Variants in ABCC5 observed in about 807,000 individuals in gnomAD.
ABCC5 encodes the protein ATP binding cassette subfamily C member 5.
ABCC5 carries 61 observed loss-of-function variants against 160.9 expected under a neutral mutation model. The observed-to-expected ratio is 0.38, with a 90% confidence interval of 0.31 to 0.47. The LOEUF is 0.47. Ranked by LOEUF, ABCC5 falls within the 20% of genes least tolerant of loss-of-function variation. The pLI, the probability that ABCC5 is intolerant of heterozygous loss-of-function variation, is 0.99. For missense variants in ABCC5, 1,308 were observed against 1,813.3 expected (o/e 0.72, Z 5.06); for synonymous variants, 666 against 700.6 (o/e 0.95, Z 0.78).
In ABCC5 at chr3:183,949,885, G is replaced by A. The variant is rs1715181001; in HGVS notation, c.3099-4C>T. The A allele has an allele frequency of 1.2e-6, 2 of 1,614,172 alleles. No homozygotes were observed. Among genetic ancestry groups the A allele is most frequent in the East Asian group, 2.2e-5 (1 of 44,876 alleles). ...CTTCAGCTCCCGAATCAGGACCCTG[G>A]AGAGAGAATGAGCTCCGTGTCACAG... is the stretch of plus-strand genomic sequence containing the variant. On this transcript the variant is annotated splice_polypyrimidine_tract_variant and splice_region_variant and intron_variant, in intron 21 of 29. Transcript: ENST00000334444. This position sits in a 1 kb window ranked among gnomAD's most constrained non-coding sequence, Gnocchi z 4.2.
intron 2 of ABCC5, chr3:184,000,769 G>A (rs1720687115): frequency 6.5e-6 from 1 of 153,850 alleles, no homozygotes; most frequent in African/African-American, 2.4e-5. Context: ...ACTGCATAAA[G>A]GAAAATCTTC....
At chr3:183,993,310 C>T (rs573210561) in intron 2 of ABCC5, among the ~76,000 whole-genome samples, 2 of 151,980 alleles carry the variant, frequency 1.3e-5, no homozygotes, top group East Asian at 3.9e-4. Flanking sequence ...ATGGTGAATC[C>T]CCATCTCTAC....
intron 24 of ABCC5, 102 bp from the exon 25 acceptor site, chr3:183,943,018 C>G (rs3749441): frequency 0.3 from 364,404 of 1,231,570 alleles, 56,910 homozygotes; most frequent in Non-Finnish European, 0.32. Flanking sequence ...AGTAGCCACA[C>G]AGAGGTAGCT....
rs140186209 is a variant in ABCC5 at position 183,970,348 on chromosome 3, A to T, written c.1761+1215T>A. Among the ~76,000 whole-genome samples, 633 of 151,760 alleles carry T rather than the reference A, an allele frequency of 4.2e-3. 1 individual carries two copies. Among genetic ancestry groups the T allele is most frequent in the Middle Eastern group, 0.014 (4 of 290 alleles). ...CATCTCCTTTGATCTTTGCCCAAAT[A>T]CTACTTTTTAAATAAGGCATTCCCT... is the stretch of plus-strand genomic sequence containing the variant. On this transcript the variant is annotated intron_variant, in intron 11 of 29. Coordinates refer to ENST00000334444, the MANE Select transcript of ABCC5 (RefSeq NM_005688.4).
chr3:183,936,450 A>C (rs1456738440), intron 26 of ABCC5, among the ~76,000 whole-genome samples: 1 of 152,052 alleles, frequency 6.6e-6, no homozygotes, highest in Admixed American at 6.6e-5. Flanking sequence ...ACTGCCTATG[A>C]TTATTTGAAA....
chr3:184,003,101 T>C (rs1720889209), intron 2 of ABCC5, among the ~76,000 whole-genome samples: 1 of 152,136 alleles, frequency 6.6e-6, no homozygotes, highest in African/African-American at 2.4e-5. Flanking sequence ...AAACCATTTC[T>C]ACAGATGTCC....
At chr3:183,962,004 G>A (rs563890632) in intron 15 of ABCC5, among the ~76,000 whole-genome samples, 1 of 152,146 alleles carries the variant, frequency 6.6e-6, no homozygotes, top group East Asian at 1.9e-4. Flanking sequence ...CGCCCATCTC[G>A]GCCTCCCAAA....
intron 22 of ABCC5, among the ~76,000 whole-genome samples, chr3:183,948,152 T>C (rs1046140503): frequency 3.3e-5 from 5 of 152,248 alleles, no homozygotes; most frequent in African/African-American, 1.2e-4. Context: ...CAGTGCACCA[T>C]GTACGACTAG....
At chr3:183,938,849 T>A (rs1714006629) in intron 25 of ABCC5, among the ~76,000 whole-genome samples, 1 of 152,106 alleles carries the variant, frequency 6.6e-6, no homozygotes, top group Non-Finnish European at 1.5e-5. Flanking sequence ...CAGGGATAAA[T>A]AAACACATAC....
intron 25 of ABCC5, among the ~76,000 whole-genome samples, chr3:183,939,155 G>A (rs534882535): frequency 1.3e-5 from 2 of 152,284 alleles, no homozygotes; most frequent in African/African-American, 4.8e-5. Flanking sequence ...TGCATTGGCC[G>A]GGCACGGTGG....
At chr3:183,957,960 G>C (rs1436815548) in intron 17 of ABCC5, among the ~76,000 whole-genome samples, 1 of 143,326 alleles carries the variant, frequency 7.0e-6, no homozygotes, top group African/African-American at 2.6e-5. Context: ...ACATCACATC[G>C]GTTACATGCG....
intron 2 of ABCC5, among the ~76,000 whole-genome samples, chr3:184,005,581 T>G (rs73884821): frequency 0.065 from 9,506 of 146,882 alleles, 1,049 homozygotes; most frequent in African/African-American, 0.23. Context: ...TGCGTTGACC[T>G]TTTTATTTTT....
chr3:183,984,206 A>T (rs1473954574), intron 5 of ABCC5: 1 of 985,474 alleles, frequency 1.0e-6, no homozygotes, highest in African/African-American at 1.7e-5. Flanking sequence ...ACAGAATAAA[A>T]AATCCTAGGC....
chr3:183,982,990 G>A lies in ABCC5; in HGVS notation c.609C>T (p.His203=). 1 of 1,614,180 alleles carries A rather than the reference G, an allele frequency of 6.2e-7. No homozygotes were observed. Among genetic ancestry groups the A allele is most frequent in the South Asian group, 1.1e-5 (1 of 91,070 alleles). The change falls in exon 6 of 30, where the codon CAC becomes CAT. Residue 203 remains histidine, a synonymous_variant. Transcript: ENST00000334444. This position sits in a 1 kb window ranked among gnomAD's most constrained non-coding sequence, Gnocchi z 5.2. ...GFSGPAFMVK[H]LLEYTQATES... ...CTGTTGCCTGGGTATACTCCAAGAG[G>A]TGTTTCACCATGAAGGCCTACAGGG...
chr3:183,961,400 G>T, intron 16 of ABCC5, 111 bp downstream of exon 16: 1 of 1,355,934 alleles, frequency 7.4e-7, no homozygotes, highest in Non-Finnish European at 1.0e-6. Context: ...CAGGGCCCCT[G>T]CCAATAAGAC....
intron 2 of ABCC5, among the ~76,000 whole-genome samples, chr3:183,996,598 T>G (rs1055584504): frequency 6.6e-6 from 1 of 152,170 alleles, no homozygotes; most frequent in Non-Finnish European, 1.5e-5. Context: ...TCCCCAGGTT[T>G]CTCGTGAGTA....
chr3:184,010,593 C>A (rs751920740), intron 2 of ABCC5: 1 of 152,848 alleles, frequency 6.5e-6, no homozygotes, highest in Non-Finnish European at 1.5e-5. Context: ...CAGGACCACA[C>A]ACCAGCTCCA....
chr3:183,938,084 G>C (rs1174069493), intron 25 of ABCC5, 24 bp from the exon 26 acceptor site: 1 of 1,610,172 alleles, frequency 6.2e-7, no homozygotes. Flanking sequence ...AGACATGCAA[G>C]AGAGGAGCTG....
At chr3:183,980,679 G>C (rs1013512145) in intron 8 of ABCC5, among the ~76,000 whole-genome samples, 1 of 151,220 alleles carries the variant, frequency 6.6e-6, no homozygotes, top group Non-Finnish European at 1.5e-5. Flanking sequence ...TCAATGAAAG[G>C]AAAACAACAG....
Sources: allele counts gnomAD v4.1 joint callset (sites outside exome capture counted in the v4.1 genomes callset), GRCh38; gene constraint gnomAD v4.1.1; non-coding constraint Gnocchi (gnomAD v3.1); transcripts MANE v1.5; gene names NCBI Gene and HGNC (gene_info 2026-07-23, HGNC 2026-07-21).